The following CSMD1 variants were observed in gnomAD, a reference collection of about 807,000 sequenced individuals.
The protein encoded by CSMD1 is CUB and Sushi multiple domains 1.
A neutral mutation model predicts 417.5 loss-of-function variants in CSMD1; 213 were observed. The ratio of observed to expected loss-of-function variants is 0.51; its 90% CI spans 0.46 to 0.57. The LOEUF is 0.57. Among genes scored for constraint, CSMD1 ranks in the 20% least tolerant of loss-of-function variants. The pLI, the probability that CSMD1 is intolerant of heterozygous loss-of-function variation, is 0.00. For missense variants in CSMD1, 6,923 were observed against 4,529.7 expected (o/e 1.53, Z -15.17); for synonymous variants, 2,862 against 1,736.8 (o/e 1.65, Z -16.11).
chr8:3,866,594 A>G (rs892738808), intron 5 of CSMD1, among the ~76,000 whole-genome samples: 2 of 151,904 alleles, frequency 1.3e-5, no homozygotes, highest in African/African-American at 4.8e-5. Flanking sequence ...AAAACACCTT[A>G]TAGTCTCTTC....
At chr8:4,441,781 G>C (rs1025166593) in intron 2 of CSMD1, among the ~76,000 whole-genome samples, 2 of 152,004 alleles carry the variant, frequency 1.3e-5, no homozygotes, top group South Asian at 2.1e-4. Context: ...CTAATCTTGG[G>C]TGTATCACAA....
chr8:3,792,326 A>C (rs1344495584), intron 5 of CSMD1, among the ~76,000 whole-genome samples: 2 of 152,104 alleles, frequency 1.3e-5, no homozygotes, highest in African/African-American at 4.8e-5. Context: ...CTGGGAGATA[A>C]TAATAATAAA....
intron 1 of CSMD1, among the ~76,000 whole-genome samples, chr8:4,715,582 C>A (rs944262728): frequency 1.9e-4 from 29 of 152,126 alleles, no homozygotes; most frequent in Non-Finnish European, 2.9e-5. Context: ...TCTGCGGATG[C>A]CTCACTGACA....
intron 7 of CSMD1, among the ~76,000 whole-genome samples, chr8:3,656,922 C>T (rs868847705): frequency 1.0e-5 from 1 of 96,060 alleles, no homozygotes; most frequent in African/African-American, 5.4e-5. Flanking sequence ...AAGACTCTGT[C>T]TAAAAAAAAA....
intron 10 of CSMD1, among the ~76,000 whole-genome samples, chr8:3,557,455 T>G (rs1237885138): frequency 6.6e-6 from 1 of 152,240 alleles, no homozygotes; most frequent in Non-Finnish European, 1.5e-5. Context: ...AAAGAGGTTT[T>G]AGACATAGGC....
chr8:4,917,620 C>T (rs971319879), intron 1 of CSMD1, among the ~76,000 whole-genome samples: 3 of 151,550 alleles, frequency 2.0e-5, no homozygotes, highest in East Asian at 3.9e-4. Flanking sequence ...GGCGACAGAG[C>T]GAGACTCCGT....
At chr8:4,256,863 A>G (rs147871853) in intron 3 of CSMD1, among the ~76,000 whole-genome samples, 42 of 152,282 alleles carry the variant, frequency 2.8e-4, no homozygotes, top group African/African-American at 8.2e-4. Flanking sequence ...ACCATCGCAT[A>G]AAGGGGGAGA....
chr8:3,433,394 G>C (rs975760469), intron 12 of CSMD1, among the ~76,000 whole-genome samples: 2 of 152,124 alleles, frequency 1.3e-5, no homozygotes, highest in African/African-American at 2.4e-5. Context: ...TGGGCATTAA[G>C]TGAACTACCC....
At chr8:4,787,643 A>G in intron 1 of CSMD1, 1 of 1,586,466 alleles carries the variant, frequency 6.3e-7, no homozygotes, top group Non-Finnish European at 8.6e-7. Flanking sequence ...TTTTCTCAAA[A>G]GAAATCCTGG....
chr8:3,528,771 A>T (rs1585310238), intron 10 of CSMD1, among the ~76,000 whole-genome samples: 1 of 152,226 alleles, frequency 6.6e-6, no homozygotes, highest in Non-Finnish European at 1.5e-5. Flanking sequence ...TTCCTGCAAA[A>T]CTGAAGGTTG....
chr8:4,675,039 T>A (rs1805587826), intron 1 of CSMD1, among the ~76,000 whole-genome samples: 1 of 152,196 alleles, frequency 6.6e-6, no homozygotes. Context: ...TGCACCTTAG[T>A]GTTGGACGCA....
At position 3,767,255 on chromosome 8, in the gene CSMD1, G is replaced by A. The variant is rs528081988; in HGVS notation, c.819-13213C>T. Among the ~76,000 whole-genome samples, 6 of 152,328 alleles carry A rather than the reference G, an allele frequency of 3.9e-5. No homozygotes were observed. In the South Asian group the frequency reaches 1.2e-3, roughly 32 times the overall value. ...CAAAGAGCAGCTCAGGCTCTTTTAT[G>A]AAAACCAGCCGCCTTTCTCCCCGAC... On this transcript the variant is annotated intron_variant, in intron 5 of 69. Coordinates refer to ENST00000635120, the MANE Select transcript of CSMD1 (RefSeq NM_033225.6).
At chr8:3,446,210 C>G (rs896391812) in intron 12 of CSMD1, among the ~76,000 whole-genome samples, 1 of 152,190 alleles carries the variant, frequency 6.6e-6, no homozygotes, top group East Asian at 1.9e-4. Context: ...CGTGAATGCA[C>G]TTTCTGAAGC....
At chr8:3,803,279 T>G (rs1405099672) in intron 5 of CSMD1, among the ~76,000 whole-genome samples, 1 of 152,204 alleles carries the variant, frequency 6.6e-6, no homozygotes, top group Non-Finnish European at 1.5e-5. Flanking sequence ...TCTCATTGCA[T>G]AAAGTTGACG....
chr8:3,736,839 A>C (rs959603242), intron 6 of CSMD1, among the ~76,000 whole-genome samples: 1 of 152,184 alleles, frequency 6.6e-6, no homozygotes, highest in Non-Finnish European at 1.5e-5. Context: ...CTGGGATGTT[A>C]CGTATGTCTA....
intron 11 of CSMD1, among the ~76,000 whole-genome samples, chr8:3,480,759 G>A (rs1168244638): frequency 6.6e-6 from 1 of 152,136 alleles, no homozygotes; most frequent in African/African-American, 2.4e-5. Context: ...GAGGCCAGAA[G>A]GAAGAACTGA....
chr8:4,864,897 A>AC (rs1554505482), intron 1 of CSMD1, among the ~76,000 whole-genome samples: 4 of 50,402 alleles, frequency 7.9e-5, no homozygotes, highest in South Asian at 1.7e-3. Context: ...CACACACACA[A>AC]ACACACACAC....
intron 3 of CSMD1, among the ~76,000 whole-genome samples, chr8:4,306,284 T>A (rs1018298015): frequency 6.6e-6 from 1 of 152,194 alleles, no homozygotes. Context: ...CCTTCCTGAA[T>A]AGACACTAAA....
intron 1 of CSMD1, among the ~76,000 whole-genome samples, chr8:4,748,373 T>G (rs547832946): frequency 2.0e-5 from 3 of 152,358 alleles, no homozygotes; most frequent in Admixed American, 6.5e-5. Context: ...GGTTTTCTGC[T>G]CCTTTGAATA....
Sources: allele counts gnomAD v4.1 joint callset (sites outside exome capture counted in the v4.1 genomes callset), GRCh38; gene constraint gnomAD v4.1.1; transcripts MANE v1.5; gene names NCBI Gene and HGNC (gene_info 2026-07-23, HGNC 2026-07-21).